CCDC88C: variants seen among roughly 807,000 people sequenced by gnomAD.
The protein encoded by CCDC88C is protein Daple.
CCDC88C carries 131 observed loss-of-function variants against 198.8 expected under a neutral mutation model. That is an observed-to-expected ratio of 0.66 (90% CI 0.57 to 0.76). The LOEUF (loss-of-function observed/expected upper bound fraction) is 0.76. Among genes scored for constraint, CCDC88C ranks in the 30% least tolerant of loss-of-function variants. The pLI is 0.00. For synonymous variants in CCDC88C, 1,166 were observed against 1,114.7 expected (o/e 1.05, Z -0.92); for missense variants, 2,553 against 2,631.6 (o/e 0.97, Z 0.65).
intron 27 of CCDC88C, chr14:91,281,047 T>A: frequency 2.4e-6 from 1 of 413,414 alleles, no homozygotes; most frequent in Middle Eastern, 3.5e-4. Flanking sequence ...CATGCTCGAA[T>A]CCAATGACAA....
intron 10 of CCDC88C, among the ~76,000 whole-genome samples, chr14:91,333,726 A>AT (rs1892930674): frequency 6.6e-6 from 1 of 152,186 alleles, no homozygotes; most frequent in Non-Finnish European, 1.5e-5. Context: ...TAAAATGCAG[A>AT]TTTCTAGGGC....
At chr14:91,356,459 C>G (rs1408432924) in intron 4 of CCDC88C, among the ~76,000 whole-genome samples, 2 of 152,146 alleles carry the variant, frequency 1.3e-5, no homozygotes, top group Non-Finnish European at 2.9e-5. Flanking sequence ...CCAGTTTCTC[C>G]AACTCCACCT....
At chr14:91,389,086 C>T (rs1464858574) in intron 3 of CCDC88C, among the ~76,000 whole-genome samples, 1 of 152,122 alleles carries the variant, frequency 6.6e-6, no homozygotes, top group African/African-American at 2.4e-5. Context: ...AACTGAAGTA[C>T]ACAGAGACAC....
At chr14:91,404,468 G>A (rs972521051) in intron 3 of CCDC88C, among the ~76,000 whole-genome samples, 1 of 152,058 alleles carries the variant, frequency 6.6e-6, no homozygotes, top group Non-Finnish European at 1.5e-5. Context: ...GGTTCCCATG[G>A]GCATGTGCGT....
chr14:91,372,725 C>T (rs1283031629), intron 3 of CCDC88C, among the ~76,000 whole-genome samples: 1 of 152,164 alleles, frequency 6.6e-6, no homozygotes, highest in Non-Finnish European at 1.5e-5. Flanking sequence ...GTTATCTAAA[C>T]GGTGACAGCA....
Position 91,417,692 on chromosome 14 carries a change from C to T in CCDC88C, c.-2G>A. 6.5e-7 allele frequency: 1 copy of T among 1,540,698 alleles called. No individual in the cohort carries two copies. Among genetic ancestry groups the T allele is most frequent in the East Asian group, 2.6e-5 (1 of 37,978 alleles). ...GAGCTCCGAGACTGTCACGTCCATG[C>T]TGAGGCTGCGCCCGCCGGCTCCGCG... is the stretch of plus-strand genomic sequence containing the variant. On this transcript the variant is annotated 5_prime_UTR_variant, in exon 1 of 30. Coordinates refer to ENST00000389857, the MANE Select transcript of CCDC88C (RefSeq NM_001080414.4).
intron 4 of CCDC88C, among the ~76,000 whole-genome samples, chr14:91,346,716 T>C (rs1893558514): frequency 6.6e-6 from 1 of 152,076 alleles, no homozygotes. Context: ...CTGGCCAACA[T>C]GGTGAAACCT....
At chr14:91,336,233 G>A (rs1050423324) in intron 10 of CCDC88C, among the ~76,000 whole-genome samples, 3 of 152,226 alleles carry the variant, frequency 2.0e-5, no homozygotes, top group Non-Finnish European at 4.4e-5. Context: ...CAGCTTGTGT[G>A]TTTCTAGATC....
chr14:91,411,906 T>C (rs1021498273), intron 2 of CCDC88C, among the ~76,000 whole-genome samples: 10 of 146,666 alleles, frequency 6.8e-5, no homozygotes, highest in Admixed American at 2.8e-4. Context: ...GAGGTTGCAA[T>C]GAGCAGAGAT....
At position 91,408,712 on chromosome 14, in the gene CCDC88C, G is replaced by C; in HGVS notation, c.217C>G (p.Leu73Val). Residue 73 changes from leucine to valine, a missense_variant, in exon 3 of 30, where the codon CTT becomes GTT. Physicochemically the swap from Leu to Val is conservative, Grantham distance 32. Transcript: ENST00000389857. ...AAGATGGTCAAATTCTGAATGCGAAGGTTCACATCATTGTTGACGTGCTTA... is the reference window on the plus strand; with the variant it reads ...AAGATGGTCAAATTCTGAATGCGAACGTTCACATCATTGTTGACGTGCTTA... ...INKHVNNDVN[L>V]RIQNLTILVR... 6.2e-7 allele frequency: 1 copy of C among 1,613,872 alleles called. No homozygotes were observed. Among genetic ancestry groups the C allele is most frequent in the Non-Finnish European group, 8.5e-7 (1 of 1,179,774 alleles).
intron 25 of CCDC88C, among the ~76,000 whole-genome samples, chr14:91,287,721 C>T (rs1348447402): frequency 6.9e-6 from 1 of 145,714 alleles, no homozygotes. Context: ...CTTGTGCACA[C>T]ACCACACTCA....
At chr14:91,343,323 AT>A (rs1156914835) in intron 5 of CCDC88C, among the ~76,000 whole-genome samples, 1 of 152,162 alleles carries the variant, frequency 6.6e-6, no homozygotes, top group Non-Finnish European at 1.5e-5. Context: ...TAGTTTGCAG[AT>A]CCTTGTTCTA....
At chr14:91,398,899 G>C (rs146614365) in intron 3 of CCDC88C, among the ~76,000 whole-genome samples, 2,282 of 152,268 alleles carry the variant, frequency 0.015, 26 homozygotes, top group Non-Finnish European at 0.023. Flanking sequence ...CGGCCCAGAC[G>C]GCTGTTCCTG....
chr14:91,354,259 T>C (rs1893942843), intron 4 of CCDC88C, among the ~76,000 whole-genome samples: 1 of 152,200 alleles, frequency 6.6e-6, no homozygotes, highest in Non-Finnish European at 1.5e-5. Flanking sequence ...AGAAAGTAAT[T>C]TGCTAACACC....
At chr14:91,385,475 G>C (rs78209151) in intron 3 of CCDC88C, among the ~76,000 whole-genome samples, 1 of 152,032 alleles carries the variant, frequency 6.6e-6, no homozygotes, top group African/African-American at 2.4e-5. Flanking sequence ...CACAGTGCCA[G>C]ATGTCTCGCA....
intron 10 of CCDC88C, 120 bp downstream of exon 10, chr14:91,337,885 G>C: frequency 8.1e-7 from 1 of 1,238,612 alleles, no homozygotes; most frequent in Non-Finnish European, 1.1e-6. Context: ...TGCCGGGGAA[G>C]CATCTGCTGA....
chr14:91,370,048 T>G (rs1462027780), intron 3 of CCDC88C, among the ~76,000 whole-genome samples: 1 of 152,226 alleles, frequency 6.6e-6, no homozygotes, highest in East Asian at 1.9e-4. Context: ...AATATTTCCT[T>G]TGAGCTGACC....
chr14:91,308,695 C>T (rs1345576024), intron 16 of CCDC88C, among the ~76,000 whole-genome samples: 1 of 152,098 alleles, frequency 6.6e-6, no homozygotes, highest in Non-Finnish European at 1.5e-5. Context: ...CCTGTGAAAC[C>T]TTCAAAGGCG....
intron 3 of CCDC88C, among the ~76,000 whole-genome samples, chr14:91,407,705 A>G (rs575481606): frequency 5.9e-5 from 9 of 152,270 alleles, no homozygotes; most frequent in African/African-American, 1.9e-4. Flanking sequence ...GTCCATTTCC[A>G]TCCGTATTGG....
Sources: gnomAD v4.1 joint callset for allele counts (sites outside exome capture counted in the v4.1 genomes callset) on GRCh38, gnomAD v4.1.1 for gene constraint, MANE v1.5 for transcripts, NCBI Gene and HGNC (gene_info 2026-07-23, HGNC 2026-07-21) for gene names.